The following FAM178B variants were observed in gnomAD, a reference collection of about 807,000 sequenced individuals.
FAM178B encodes the protein family with sequence similarity 178 member B.
A neutral mutation model predicts 91.7 loss-of-function variants in FAM178B; 82 were observed. The observed-to-expected ratio is 0.89, with a 90% CI of 0.75 to 1.07. The LOEUF (loss-of-function observed/expected upper bound fraction) is 1.07. Among genes scored for constraint, FAM178B ranks in the 50% least tolerant of loss-of-function variants. FAM178B has a pLI of 0.00. For synonymous variants in FAM178B, 368 were observed against 359.4 expected (o/e 1.02, Z -0.27); for missense variants, 769 against 846.7 (o/e 0.91, Z 1.14).
intron 13 of FAM178B, among the ~76,000 whole-genome samples, chr2:96,901,287 C>G (rs1402978525): frequency 6.6e-6 from 1 of 151,356 alleles, no homozygotes; most frequent in Non-Finnish European, 1.5e-5. Flanking sequence ...ATTCTCCTGT[C>G]TCAGTCTCCC....
chr2:96,945,849 T>C (rs1188220057), intron 8 of FAM178B, among the ~76,000 whole-genome samples: 1 of 152,190 alleles, frequency 6.6e-6, no homozygotes, highest in Non-Finnish European at 1.5e-5. Flanking sequence ...ACACATAACA[T>C]AAAATTTACC....
intron 12 of FAM178B, among the ~76,000 whole-genome samples, chr2:96,916,067 C>T (rs2081236688): frequency 6.6e-6 from 1 of 152,174 alleles, no homozygotes; most frequent in South Asian, 2.1e-4. Context: ...GGCACTGAGG[C>T]AATTTCCAGT....
At chr2:96,917,246 T>C (rs1055422987) in intron 12 of FAM178B, among the ~76,000 whole-genome samples, 1 of 152,248 alleles carries the variant, frequency 6.6e-6, no homozygotes, top group Admixed American at 6.5e-5. Flanking sequence ...TTTATTTGAA[T>C]GCTTTTATCT....
chr2:96,970,770 C>CG lies in FAM178B; in HGVS notation c.571_572insC (p.Trp191SerfsTer44). The stretch of plus-strand genomic sequence containing the variant: ...GTTGAAGTAGCTTCCTGAGCCCCCC[C>CG]AGGAAAACTGGAGAAACAGGACATG... On this transcript the variant is annotated frameshift_variant, in exon 4 of 17. Transcript: ENST00000490605. LOFTEE classifies it high-confidence loss of function. The CG allele has an allele frequency of 6.4e-7, 1 of 1,550,940 alleles. No individual in the cohort carries two copies. The highest frequency in any genetic ancestry group is 1.4e-5 in the African/African-American group (1 of 73,002).
At chr2:96,908,036 C>T (rs1387516466) in intron 12 of FAM178B, among the ~76,000 whole-genome samples, 1 of 152,232 alleles carries the variant, frequency 6.6e-6, no homozygotes, top group Non-Finnish European at 1.5e-5. Context: ...GTCCATCAGG[C>T]TGCCTGTCAG....
rs375017826 is a variant in FAM178B at position 96,960,396 on chromosome 2, G to A, written c.779C>T (p.Pro260Leu). ...AAACACAGTCTCACCTGGATGGACC[G>A]GCGGGATGGTCTGCAGGGACACTGA... ...KYSVSLQTIP[P>L]VHPGETVFLP... Residue 260 changes from proline (P) to leucine (L), a missense_variant, in exon 6 of 17, where the codon CCG (proline) becomes CTG (leucine). Coordinates refer to ENST00000490605, the MANE Select transcript of FAM178B (RefSeq NM_001122646.3). 2.6e-6 allele frequency: 4 copies of A among 1,551,624 alleles called. No homozygotes were observed. Among genetic ancestry groups the A allele is most frequent in the South Asian group, 2.4e-5 (2 of 84,046 alleles).
At chr2:96,920,619 T>A (rs1353348481) in intron 12 of FAM178B, among the ~76,000 whole-genome samples, 25 of 151,478 alleles carry the variant, frequency 1.7e-4, no homozygotes, top group Admixed American at 1.5e-3. Flanking sequence ...AAAAAAAAAA[T>A]TTACAGAGCG....
chr2:96,895,167 A>T, intron 13 of FAM178B: 1 of 1,226,348 alleles, frequency 8.2e-7, no homozygotes, highest in East Asian at 5.7e-5. Flanking sequence ...TAAAGCAAAT[A>T]CATCGTATCG....
chr2:96,964,432 C>CCTCG (rs2082119526), intron 5 of FAM178B, among the ~76,000 whole-genome samples: 1 of 152,104 alleles, frequency 6.6e-6, no homozygotes, highest in African/African-American at 2.4e-5. Flanking sequence ...CTAAATAATA[C>CCTCG]CTCGGCCAGG....
At chr2:96,885,712 G>A (rs2080501751) in intron 14 of FAM178B, among the ~76,000 whole-genome samples, 1 of 152,192 alleles carries the variant, frequency 6.6e-6, no homozygotes, top group Admixed American at 6.5e-5. Flanking sequence ...CTGCTGGTGG[G>A]GGTCAGGGAG....
intron 12 of FAM178B, among the ~76,000 whole-genome samples, chr2:96,912,638 T>A (rs1457360013): frequency 6.6e-6 from 1 of 152,118 alleles, no homozygotes; most frequent in Non-Finnish European, 1.5e-5. Context: ...CCTTCAGACA[T>A]CCCACCTGAG....
chr2:96,941,731 TGG>T (rs1169777165), intron 8 of FAM178B, among the ~76,000 whole-genome samples: 4 of 152,106 alleles, frequency 2.6e-5, no homozygotes, highest in Non-Finnish European at 4.4e-5. Context: ...GAGAATGAAA[TGG>T]GTAGGTAAAA....
At chr2:96,923,624 G>A (rs922269674) in intron 9 of FAM178B, 41 bp from the exon 10 acceptor site, 4 of 1,475,126 alleles carry the variant, frequency 2.7e-6, no homozygotes, top group East Asian at 2.5e-5. Context: ...AAACCCAGGA[G>A]GGGGCACAGG....
chr2:96,986,404 C>T lies in FAM178B; in HGVS notation c.-91G>A. On this transcript the variant is annotated 5_prime_UTR_variant, in exon 1 of 17. Transcript: ENST00000490605. ...GGGGCCAGCTAGCCGGGAAAGGAAGCAGGAGCAGGCTCCCCAGGCGGCGCA... is the reference window on the plus strand; with the variant it reads ...GGGGCCAGCTAGCCGGGAAAGGAAGTAGGAGCAGGCTCCCCAGGCGGCGCA... 1 of 1,446,462 alleles carries T rather than the reference C, an allele frequency of 6.9e-7. No individual in the cohort carries two copies. The highest frequency in any genetic ancestry group is 1.4e-5 in the African/African-American group (1 of 69,956). 89.6% of individuals were successfully genotyped at this position (1,446,462 alleles called of 1,614,324 possible).
At chr2:96,983,418 C>T (rs1238142164) in intron 1 of FAM178B, among the ~76,000 whole-genome samples, 1 of 152,158 alleles carries the variant, frequency 6.6e-6, no homozygotes, top group Non-Finnish European at 1.5e-5. Flanking sequence ...TCTTGAACTT[C>T]ACATACATAA....
intron 1 of FAM178B, among the ~76,000 whole-genome samples, chr2:96,974,939 A>G (rs2082270124): frequency 6.6e-6 from 1 of 151,934 alleles, no homozygotes; most frequent in Non-Finnish European, 1.5e-5. Flanking sequence ...AAAAATACAA[A>G]AATTAGCTGG....
intron 14 of FAM178B, among the ~76,000 whole-genome samples, chr2:96,880,795 C>T (rs377747428): frequency 7.2e-5 from 11 of 152,258 alleles, no homozygotes; most frequent in East Asian, 3.9e-4. Flanking sequence ...GGGGTTTCAC[C>T]GTGTTAGCCA....
At chr2:96,921,325 C>T (rs531709654) in intron 11 of FAM178B, 63 bp from the exon 12 acceptor site, 2 of 1,521,364 alleles carry the variant, frequency 1.3e-6, no homozygotes, top group Admixed American at 3.9e-5. Flanking sequence ...CTCTCGCCAC[C>T]CAGCCCGCAC....
intron 12 of FAM178B, among the ~76,000 whole-genome samples, chr2:96,910,776 C>T (rs2081139836): frequency 6.6e-6 from 1 of 151,964 alleles, no homozygotes; most frequent in Non-Finnish European, 1.5e-5. Flanking sequence ...TCCCAGCCCA[C>T]CTGAGACATC....
Sources: allele counts gnomAD v4.1 joint callset (sites outside exome capture counted in the v4.1 genomes callset), GRCh38; gene constraint gnomAD v4.1.1; transcripts MANE v1.5; gene names NCBI Gene and HGNC (gene_info 2026-07-23, HGNC 2026-07-21).